Variants in SDK1 observed in about 807,000 individuals in gnomAD.
The protein encoded by SDK1 is sidekick cell adhesion molecule 1, also known as protein sidekick-1.
In SDK1, 157 loss-of-function variants were observed where a neutral mutation model predicts 245.5. The observed-to-expected ratio is 0.64, with a 90% CI of 0.56 to 0.73. SDK1 has a LOEUF of 0.73. Among genes scored for constraint, SDK1 ranks in the 30% least tolerant of loss-of-function variants. The pLI is 0.00. For missense variants in SDK1, 3,583 were observed against 3,002.3 expected (o/e 1.19, Z -4.52); for synonymous variants, 1,647 against 1,278.5 (o/e 1.29, Z -6.15).
At chr7:3,808,054 G>A (rs1201730348) in intron 4 of SDK1, among the ~76,000 whole-genome samples, 2 of 152,170 alleles carry the variant, frequency 1.3e-5, no homozygotes, top group Non-Finnish European at 2.9e-5. Context: ...TGTCAGAGAA[G>A]GGACTCCCAT....
intron 8 of SDK1, among the ~76,000 whole-genome samples, chr7:3,959,569 C>T (rs1021013231): frequency 1.3e-5 from 2 of 152,186 alleles, no homozygotes; most frequent in Non-Finnish European, 2.9e-5. Context: ...TCTCATCGCC[C>T]ACCCCACACC....
chr7:3,677,849 T>C (rs1783956116), intron 4 of SDK1, among the ~76,000 whole-genome samples: 1 of 152,186 alleles, frequency 6.6e-6, no homozygotes, highest in African/African-American at 2.4e-5. Context: ...CACACATGGA[T>C]AACCAGCTGA....
In SDK1 at chr7:4,265,955, A is replaced by C; in HGVS notation, c.*571A>C. ...GAAATGTTCTCACTTGGCAGTGTCT[A>C]GTCAAGGAGTCGGCTTTCAGGTTCC... On this transcript the variant is annotated 3_prime_UTR_variant, in exon 45 of 45. Coordinates refer to ENST00000404826, the MANE Select transcript of SDK1 (RefSeq NM_152744.4). 3 of 985,646 alleles carry C rather than the reference A, an allele frequency of 3.0e-6. No homozygotes were observed. The highest frequency in any genetic ancestry group is 3.6e-6 in the Non-Finnish European group (3 of 830,082). 61.1% of individuals were successfully genotyped at this position (985,646 alleles called of 1,614,324 possible). A position where few individuals can be genotyped will look rare whatever the true frequency, so the allele number is the denominator to read the frequency against.
intron 13 of SDK1, among the ~76,000 whole-genome samples, chr7:3,983,366 C>A (rs1029793593): frequency 6.6e-6 from 1 of 152,122 alleles, no homozygotes; most frequent in Non-Finnish European, 1.5e-5. Context: ...TTGCCACAGT[C>A]CCCCCAGCCT....
At chr7:3,333,103 C>T (rs1333019936) in intron 1 of SDK1, among the ~76,000 whole-genome samples, 1 of 152,126 alleles carries the variant, frequency 6.6e-6, no homozygotes, top group Non-Finnish European at 1.5e-5. Flanking sequence ...GGTATGCTGT[C>T]TAGGAAAGAG....
At chr7:3,626,936 T>A (rs918652767) in intron 2 of SDK1, among the ~76,000 whole-genome samples, 5 of 152,112 alleles carry the variant, frequency 3.3e-5, no homozygotes, top group African/African-American at 1.2e-4. Context: ...AATTTTTTTT[T>A]TTTTATTTTG....
At chr7:3,950,465 T>A (rs975708349) in intron 5 of SDK1, among the ~76,000 whole-genome samples, 1 of 152,248 alleles carries the variant, frequency 6.6e-6, no homozygotes, top group East Asian at 1.9e-4. Context: ...TTTTGAGAGA[T>A]AGAGAGGGAC....
chr7:3,545,107 CAT>C (rs991052667), intron 1 of SDK1, among the ~76,000 whole-genome samples: 2 of 152,120 alleles, frequency 1.3e-5, no homozygotes, highest in African/African-American at 4.8e-5. Flanking sequence ...ATTGGCACCA[CAT>C]GTTACAGAGG....
In SDK1 at chr7:4,015,547, C is replaced by T. The variant is rs1006781471; in HGVS notation, c.2421-1624C>T. On this transcript the variant is annotated intron_variant, in intron 16 of 44. Coordinates refer to ENST00000404826, the MANE Select transcript of SDK1 (RefSeq NM_152744.4). ...GTGAATCCATGCCAAGCCTTTCTCC[C>T]AGTGGCCCACCGCCTTGAGGACCAT... Among the ~76,000 whole-genome samples, 10 of 152,294 alleles carry T rather than the reference C, an allele frequency of 6.6e-5. No individual in the cohort carries two copies. The East Asian group carries it at 1.5e-3, about 24-fold the overall frequency.
chr7:3,313,714 T>C lies in SDK1; in HGVS notation c.298+11830T>C, dbSNP rs574425541. Among the ~76,000 whole-genome samples the C allele has an allele frequency of 4.6e-5, 7 of 152,294 alleles. No homozygotes were observed. The South Asian group carries it at 1.4e-3, about 32-fold the overall frequency. On this transcript the variant is annotated intron_variant, in intron 1 of 44. Transcript: ENST00000404826. ...TGGTCAAAGGATACAAAATTTCATT[T>C]AGAAGGAATAAATTCAAGAGATCTG...
At chr7:3,904,945 A>G (rs1781912911) in intron 5 of SDK1, among the ~76,000 whole-genome samples, 1 of 151,414 alleles carries the variant, frequency 6.6e-6, no homozygotes, top group East Asian at 1.9e-4. Context: ...GTGAGTGGAG[A>G]TCGCGCCACT....
In SDK1 at chr7:3,618,716, C is replaced by T. The variant is rs182414393; in HGVS notation, c.299-364C>T. ...ATAGAGGAAACTTCTCTTTTATAGC[C>T]TGCATACACTTGACTGTTTTCTCGC... On this transcript the variant is annotated intron_variant, in intron 1 of 44. Transcript: ENST00000404826. Among the ~76,000 whole-genome samples the T allele has an allele frequency of 1.1e-3, 163 of 152,324 alleles. 1 individual carries two copies. The highest frequency in any genetic ancestry group is 3.7e-3 in the African/African-American group (155 of 41,574).
rs142007404 is a variant in SDK1 at position 3,543,423 on chromosome 7, C to G, written c.299-75657C>G. Among the ~76,000 whole-genome samples, 1,078 of 152,362 alleles carry G rather than the reference C, an allele frequency of 7.1e-3. 13 individuals carry two copies. Among genetic ancestry groups the G allele is most frequent in the Non-Finnish European group, 0.011 (730 of 68,040 alleles). On this transcript the variant is annotated intron_variant, in intron 1 of 44. Transcript: ENST00000404826. ...AGCCATTCTTACTAAAGAGATGGCTCTTAAGACCAAATGGAGCACTGGTAG... is the reference window on the plus strand; with the variant it reads ...AGCCATTCTTACTAAAGAGATGGCTGTTAAGACCAAATGGAGCACTGGTAG...
intron 28 of SDK1, among the ~76,000 whole-genome samples, chr7:4,145,435 C>T (rs568991977): frequency 1.3e-5 from 2 of 152,248 alleles, no homozygotes; most frequent in South Asian, 2.1e-4. Context: ...GACTGGGTCC[C>T]TGTGGCATGC....
intron 35 of SDK1, among the ~76,000 whole-genome samples, chr7:4,185,427 C>T (rs1262204956): frequency 6.6e-6 from 1 of 152,184 alleles, no homozygotes; most frequent in Non-Finnish European, 1.5e-5. Flanking sequence ...TGCCCAGACC[C>T]CAAGCAGGCA....
chr7:4,140,368 CCT>C (rs894236683), intron 28 of SDK1, among the ~76,000 whole-genome samples: 13 of 152,190 alleles, frequency 8.5e-5, no homozygotes, highest in Non-Finnish European at 1.9e-4. Flanking sequence ...AGATGGGAGC[CCT>C]CACATGCTGG....
intron 44 of SDK1, among the ~76,000 whole-genome samples, chr7:4,253,163 T>C (rs1400698895): frequency 6.6e-6 from 1 of 152,194 alleles, no homozygotes; most frequent in Non-Finnish European, 1.5e-5. Flanking sequence ...GACTTTCTTC[T>C]GCTTAATTTG....
intron 4 of SDK1, among the ~76,000 whole-genome samples, chr7:3,735,544 G>C (rs556075234): frequency 6.6e-6 from 1 of 152,116 alleles, no homozygotes; most frequent in South Asian, 2.1e-4. Context: ...CATAGGGCAC[G>C]GTGTGTTTAC....
intron 1 of SDK1, among the ~76,000 whole-genome samples, chr7:3,517,302 T>A (rs1256620995): frequency 6.6e-6 from 1 of 152,194 alleles, no homozygotes; most frequent in Non-Finnish European, 1.5e-5. Flanking sequence ...CACTAATGTT[T>A]AATCTGTTTT....
Sources: gnomAD v4.1 joint callset for allele counts (sites outside exome capture counted in the v4.1 genomes callset) on GRCh38, gnomAD v4.1.1 for gene constraint, MANE v1.5 for transcripts, NCBI Gene and HGNC (gene_info 2026-07-23, HGNC 2026-07-21) for gene names.